The following NRDC variants were observed in gnomAD, a reference collection of about 807,000 sequenced individuals.
The protein encoded by NRDC is nardilysin convertase.
A neutral mutation model predicts 147.1 loss-of-function variants in NRDC; 54 were observed. The observed-to-expected ratio is 0.37, with a 90% CI of 0.29 to 0.46. The LOEUF is 0.46. Ranked by LOEUF, NRDC falls within the 20% of genes least tolerant of loss-of-function variation. The pLI, the probability that NRDC is intolerant of heterozygous loss-of-function variation, is 1.00. For missense variants in NRDC, 1,082 were observed against 1,370.6 expected (o/e 0.79, Z 3.33); for synonymous variants, 440 against 482.1 (o/e 0.91, Z 1.14).
At chr1:51,841,480 G>T (rs1374496512) in intron 1 of NRDC, among the ~76,000 whole-genome samples, 1 of 151,790 alleles carries the variant, frequency 6.6e-6, no homozygotes, top group African/African-American at 2.4e-5. Flanking sequence ...GCTAATTTTT[G>T]TATTTTTTTA....
In NRDC at chr1:51,844,598, C is replaced by T. The variant is rs1160572631; in HGVS notation, c.342-4084G>A. Among the ~76,000 whole-genome samples the T allele has an allele frequency of 2.0e-5, 3 of 151,582 alleles. No homozygotes were observed. In the South Asian group the frequency reaches 6.3e-4, roughly 32 times the overall value. ...TCTACTAAAAATACAAAAAAATTAGCCAGGCATGGCGGCGCGTGCCTGTAG... is the reference window on the plus strand; with the variant it reads ...TCTACTAAAAATACAAAAAAATTAGTCAGGCATGGCGGCGCGTGCCTGTAG... On this transcript the variant is annotated intron_variant, in intron 1 of 30. Coordinates refer to ENST00000352171, the MANE Select transcript of NRDC (RefSeq NM_001101662.2).
chr1:51,789,512 A>G, intron 30 of NRDC, 56 bp downstream of exon 30: 1 of 1,590,128 alleles, frequency 6.3e-7, no homozygotes, highest in Non-Finnish European at 8.6e-7. Context: ...TAACCACCCA[A>G]ACTCACTCAG....
chr1:51,819,457 CATCTA>C (rs1680118362), intron 9 of NRDC, among the ~76,000 whole-genome samples: 1 of 152,108 alleles, frequency 6.6e-6, no homozygotes, highest in African/African-American at 2.4e-5. Context: ...TTTTCCCTCT[CATCTA>C]TTTTTATTCA....
intron 1 of NRDC, among the ~76,000 whole-genome samples, chr1:51,869,341 T>C (rs1266402838): frequency 1.3e-5 from 2 of 152,158 alleles, no homozygotes; most frequent in African/African-American, 4.8e-5. Flanking sequence ...CTTCTTGTAA[T>C]TACTAAAAAA....
At chr1:51,836,486 G>A in intron 2 of NRDC, 1 of 1,483,796 alleles carries the variant, frequency 6.7e-7, no homozygotes. Flanking sequence ...AAGAGGGACT[G>A]GACAGCCCAC....
rs865975244 is a variant in NRDC, at chr1:51,863,744, T to A, written c.341+14531A>T. On this transcript the variant is annotated intron_variant, in intron 1 of 30. Transcript: ENST00000352171. ...GATCTATAGTGTTTGATCTATTTAA[T>A]CTATAATAATGTTAAAAGGAAAAAA... Among the ~76,000 whole-genome samples, 9 of 152,170 alleles carry A rather than the reference T, an allele frequency of 5.9e-5. No homozygotes were observed. The South Asian group carries it at 1.9e-3, about 32-fold the overall frequency.
In NRDC at chr1:51,842,817, G is replaced by A. The variant is rs190413047; in HGVS notation, c.342-2303C>T. The stretch of plus-strand genomic sequence containing the variant: ...ACAGTGGCTTGCGCCTATAATCCCC[G>A]CACTTTGGGAAGCCGAGGCAGGTAG... On this transcript the variant is annotated intron_variant, in intron 1 of 30. Coordinates refer to ENST00000352171, the MANE Select transcript of NRDC (RefSeq NM_001101662.2). 6.9e-3 allele frequency among the ~76,000 whole-genome samples: 1,045 copies of A among 151,892 alleles called. 2 individuals are homozygous for A. Among genetic ancestry groups the A allele is most frequent in the Non-Finnish European group, 0.011 (756 of 67,948 alleles).
At position 51,837,361 on chromosome 1, in the gene NRDC, C is replaced by T. The variant is rs142649932; in HGVS notation, c.631-1149G>A. 143 of 870,744 alleles carry T rather than the reference C, an allele frequency of 1.6e-4. No individual in the cohort carries two copies. The African/African-American group carries it at 2.2e-3, about 14-fold the overall frequency. The allele number at this position is 870,744 out of a possible 1,614,324, so 53.9% of individuals were successfully genotyped here. On this transcript the variant is annotated intron_variant, in intron 2 of 30. Coordinates refer to ENST00000352171, the MANE Select transcript of NRDC (RefSeq NM_001101662.2). ...TGTGTTTTCAGAAGAACCAAACAGCCTCACTTGATACTATAAACCCCATTT... is the reference window on the plus strand; with the variant it reads ...TGTGTTTTCAGAAGAACCAAACAGCTTCACTTGATACTATAAACCCCATTT...
At chr1:51,856,301 C>G (rs1231014045) in intron 1 of NRDC, among the ~76,000 whole-genome samples, 1 of 152,190 alleles carries the variant, frequency 6.6e-6, no homozygotes, top group African/African-American at 2.4e-5. Flanking sequence ...TGGACACCAA[C>G]TGGGTGTCCT....
At chr1:51,831,184 A>ATT (rs1680689662) in intron 4 of NRDC, among the ~76,000 whole-genome samples, 1 of 152,130 alleles carries the variant, frequency 6.6e-6, no homozygotes, top group Admixed American at 6.5e-5. Context: ...TATTTAGAAC[A>ATT]ACTCTTTAAA....
At chr1:51,842,512 C>A (rs1681320412) in intron 1 of NRDC, among the ~76,000 whole-genome samples, 1 of 151,824 alleles carries the variant, frequency 6.6e-6, no homozygotes. Flanking sequence ...CTACTGACAG[C>A]AGAATAAAAA....
At chr1:51,813,160 G>A (rs1207291793) in intron 14 of NRDC, among the ~76,000 whole-genome samples, 3 of 151,972 alleles carry the variant, frequency 2.0e-5, no homozygotes, top group Non-Finnish European at 2.9e-5. Flanking sequence ...TAAAAGTCTT[G>A]CGATAAGAAG....
At position 51,819,855 on chromosome 1, in the gene NRDC, G is replaced by A; in HGVS notation, c.1236C>T (p.Asn412=). 1.9e-6 allele frequency: 3 copies of A among 1,607,632 alleles called. No homozygotes were observed. Among genetic ancestry groups the A allele is most frequent in the Non-Finnish European group, 2.5e-6 (3 of 1,176,782 alleles). The change falls in exon 9 of 31, where the codon AAC becomes AAT. Residue 412 remains asparagine, a synonymous_variant. Transcript: ENST00000352171. ...QIPNNGLPRP[N]FGHLTDPFDT... is the part of the protein sequence containing the mutation. Reference sequence around the variant, plus strand: ...CAAATGGATCCGTTAAATGGCCAAAGTTTGGTCTGGGTAACCCACTGAAAA... The same window carrying A: ...CAAATGGATCCGTTAAATGGCCAAAATTTGGTCTGGGTAACCCACTGAAAA...
At chr1:51,865,823 G>C (rs1682777655) in intron 1 of NRDC, among the ~76,000 whole-genome samples, 1 of 151,884 alleles carries the variant, frequency 6.6e-6, no homozygotes, top group Non-Finnish European at 1.5e-5. Flanking sequence ...GAGGCCAAGA[G>C]GGCGGATCAG....
intron 1 of NRDC, among the ~76,000 whole-genome samples, chr1:51,861,576 G>A (rs904398517): frequency 6.6e-6 from 1 of 151,790 alleles, no homozygotes; most frequent in African/African-American, 2.4e-5. Context: ...GAACTCCTGA[G>A]CCCAGGCAAT....
At position 51,803,854 on chromosome 1, in the gene NRDC, C is replaced by T. The variant is rs1362122707; in HGVS notation, c.2273G>A (p.Gly758Asp). 6.2e-7 allele frequency: 1 copy of T among 1,613,722 alleles called. No individual in the cohort carries two copies. The highest frequency in any genetic ancestry group is 1.7e-5 in the Admixed American group (1 of 59,986). ...LEYKLVAGEH[G>D]LIIRVKGFNH... is the part of the protein sequence containing the mutation. ...AAATCCTTTCACTCGAATAATTAAA[C>T]CATGTTCTCCAGCTACCAGTTTATA... Residue 758 changes from glycine (G) to aspartate (D), a missense_variant, in exon 20 of 31, where the codon GGT (glycine) becomes GAT (aspartate). This residue lies in a region of NRDC where 635 missense variants were observed against 923.8 expected (regional missense o/e 0.69). Transcript: ENST00000352171.
At position 51,794,499 on chromosome 1, in the gene NRDC, G is replaced by A. The variant is rs750350970; in HGVS notation, c.2748C>T (p.Ala916=). ...GGTAGTACACAGTGACTTCAGAGTT[G>A]GCATCACCCTTGTTCAGAGCTTTCA... ...CKVKALNKGD[A]NSEVTVYYQS... Residue 916 remains alanine (A), a synonymous_variant, in exon 24 of 31, where the codon GCC becomes GCT. Transcript: ENST00000352171. The A allele has an allele frequency of 8.7e-6, 14 of 1,614,012 alleles. No individual in the cohort carries two copies. The African/African-American group carries it at 1.9e-4, about 22-fold the overall frequency.
chr1:51,864,875 G>A lies in NRDC; in HGVS notation c.341+13400C>T, dbSNP rs151104764. Among the ~76,000 whole-genome samples, 180 of 151,620 alleles carry A rather than the reference G, an allele frequency of 1.2e-3. 1 individual carries two copies. Among genetic ancestry groups the A allele is most frequent in the South Asian group, 3.8e-3 (18 of 4,794 alleles). On this transcript the variant is annotated intron_variant, in intron 1 of 30. Coordinates refer to ENST00000352171, the MANE Select transcript of NRDC (RefSeq NM_001101662.2). ...GCTGAGGTGGGAGTCGCTTGAACCC[G>A]GGAGGCAGAGGTTGCAGTGAGCTGA...
chr1:51,807,179 T>A (rs919729972), intron 17 of NRDC, among the ~76,000 whole-genome samples: 1 of 152,212 alleles, frequency 6.6e-6, no homozygotes, highest in Admixed American at 6.5e-5. Flanking sequence ...ACAGACAATT[T>A]TAACTGAGAG....
Sources: gnomAD v4.1 joint callset for allele counts (sites outside exome capture counted in the v4.1 genomes callset) on GRCh38, gnomAD v4.1.1 for gene constraint, gnomAD v4.1.1 regional missense constraint, MANE v1.5 for transcripts, NCBI Gene and HGNC (gene_info 2026-07-23, HGNC 2026-07-21) for gene names.